The following RFTN1 variants were observed in gnomAD, a reference collection of about 807,000 sequenced individuals.
RFTN1 encodes raftlin.
In RFTN1, 26 loss-of-function variants were observed where a neutral mutation model predicts 46.5. That is an observed-to-expected ratio of 0.56 (90% CI 0.41 to 0.78). The LOEUF is 0.78. Among genes scored for constraint, RFTN1 ranks in the 30% least tolerant of loss-of-function variants. RFTN1 has a pLI of 0.00. For missense variants in RFTN1, 693 were observed against 718.7 expected (o/e 0.96, Z 0.41); for synonymous variants, 261 against 284.2 (o/e 0.92, Z 0.82).
In RFTN1 at chr3:16,397,968, C is replaced by T. The variant is rs114265485; in HGVS notation, c.441+11407G>A. Among the ~76,000 whole-genome samples the T allele has an allele frequency of 6.3e-3, 955 of 152,166 alleles. 13 individuals are homozygous for T. Among genetic ancestry groups the T allele is most frequent in the African/African-American group, 0.022 (896 of 41,528 alleles). ...GACTCTTTTAAGAAGCATCATGGGC[C>T]GGGCGCGGTGGCTCACGCCTATAAT... On this transcript the variant is annotated intron_variant, in intron 4 of 9. Coordinates refer to ENST00000334133, the MANE Select transcript of RFTN1 (RefSeq NM_015150.2).
intron 4 of RFTN1, among the ~76,000 whole-genome samples, chr3:16,389,669 A>C (rs570425084): frequency 2.0e-5 from 3 of 152,380 alleles, no homozygotes; most frequent in African/African-American, 7.2e-5. Flanking sequence ...AGAATGAACC[A>C]GAAATGAACA....
rs940086351 is a variant in RFTN1, at chr3:16,357,849, A to G, written c.1146+83T>C. On this transcript the variant is annotated intron_variant, in intron 7 of 9. Transcript: ENST00000334133. ...CTCAGAAGAAAGCCACAGCTGAGCC[A>G]CAGCCCCACGGTCAGATCAAGCAGG... 3.5e-6 allele frequency: 3 copies of G among 855,628 alleles called. No individual in the cohort carries two copies. In the East Asian group the frequency reaches 7.4e-5, roughly 21 times the overall value. 53.0% of individuals were successfully genotyped at this position (855,628 alleles called of 1,614,324 possible). A position where few individuals can be genotyped will look rare whatever the true frequency, so the allele number is the denominator to read the frequency against.
At chr3:16,493,671 G>T in intron 2 of RFTN1, 54 bp downstream of exon 2, 1 of 1,239,244 alleles carries the variant, frequency 8.1e-7, no homozygotes, top group Non-Finnish European at 1.1e-6. Context: ...ATCCCCTGCA[G>T]GCCCCTGCTG....
Position 16,422,717 on chromosome 3 carries a change from CA to C in RFTN1, c.332+11133del, listed in dbSNP as rs2075211643. On this transcript the variant is annotated intron_variant, in intron 3 of 9. Coordinates refer to ENST00000334133, the MANE Select transcript of RFTN1 (RefSeq NM_015150.2). This position sits in a 1 kb window ranked among gnomAD's most constrained non-coding sequence, Gnocchi z 4.6. ...AATAACATGGTTCTGGCACAAAAATCAATAAGTAGATCAAAGAAACAATAAA... is the reference window on the plus strand; with the variant it reads ...AATAACATGGTTCTGGCACAAAAATCATAAGTAGATCAAAGAAACAATAAA... Among the ~76,000 whole-genome samples the C allele has an allele frequency of 6.6e-6, 1 of 151,408 alleles. No individual in the cohort carries two copies. Among genetic ancestry groups the C allele is most frequent in the Non-Finnish European group, 1.5e-5 (1 of 67,910 alleles).
In RFTN1 at chr3:16,438,355, C is replaced by T. The variant is rs553211338; in HGVS notation, c.146-4318G>A. On this transcript the variant is annotated intron_variant, in intron 2 of 9. Transcript: ENST00000334133. ...ATCGCAGCACTTTAGGAGGCCGAGG[C>T]GGGTGGATCATTTGAGAGCAGGAGT... is the stretch of plus-strand genomic sequence containing the variant. 1.4e-3 allele frequency among the ~76,000 whole-genome samples: 210 copies of T among 151,950 alleles called. 2 individuals are homozygous for T. In the South Asian group the frequency reaches 0.015, roughly 11 times the overall value.
intron 3 of RFTN1, among the ~76,000 whole-genome samples, chr3:16,417,100 C>T (rs374122975): frequency 1.3e-4 from 19 of 151,464 alleles, no homozygotes; most frequent in African/African-American, 4.6e-4. Context: ...GCCTCAACTT[C>T]CTGGGCTCAA....
chr3:16,427,853 C>T lies in RFTN1; in HGVS notation c.332+5998G>A, dbSNP rs1013808081. Among the ~76,000 whole-genome samples the T allele has an allele frequency of 6.6e-6, 1 of 152,060 alleles. No homozygotes were observed. Among genetic ancestry groups the T allele is most frequent in the Non-Finnish European group, 1.5e-5 (1 of 68,010 alleles). On this transcript the variant is annotated intron_variant, in intron 3 of 9. Coordinates refer to ENST00000334133, the MANE Select transcript of RFTN1 (RefSeq NM_015150.2). The surrounding 1 kb of genome is among the most constrained non-coding windows in gnomAD (Gnocchi z 5.4). ...TCCACAATGTCAATAGTGGGAAGGCCCTTCCCACTTTTTCACTCCCTATTC... is the reference window on the plus strand; with the variant it reads ...TCCACAATGTCAATAGTGGGAAGGCTCTTCCCACTTTTTCACTCCCTATTC...
intron 2 of RFTN1, among the ~76,000 whole-genome samples, chr3:16,463,791 G>A (rs2076044998): frequency 6.6e-6 from 1 of 152,180 alleles, no homozygotes; most frequent in African/African-American, 2.4e-5. Context: ...GATTTCTGAT[G>A]AAGTTATCTT....
At position 16,512,820 on chromosome 3, in the gene RFTN1, T is replaced by C. The variant is rs962853252; in HGVS notation, c.-9+622A>G. The C allele has an allele frequency of 6.6e-6, 1 of 152,218 alleles. No homozygotes were observed. Among genetic ancestry groups the C allele is most frequent in the Non-Finnish European group, 1.5e-5 (1 of 68,096 alleles). 9.4% of individuals were successfully genotyped at this position (152,218 alleles called of 1,614,324 possible). Reference sequence around the variant, plus strand: ...TCCCCGTTTTCAGTGCTGGGGACTCTCGGCACCCGCGTCCCTGTGCTTCTG... The same window carrying C: ...TCCCCGTTTTCAGTGCTGGGGACTCCCGGCACCCGCGTCCCTGTGCTTCTG... On this transcript the variant is annotated intron_variant, in intron 1 of 9. Transcript: ENST00000334133. The surrounding 1 kb of genome is among the most constrained non-coding windows in gnomAD (Gnocchi z 4.3).
At chr3:16,377,591 T>C in intron 5 of RFTN1, 127 bp downstream of exon 5, 1 of 1,425,314 alleles carries the variant, frequency 7.0e-7, no homozygotes, top group South Asian at 1.5e-5. Context: ...AAGTTTCTCC[T>C]GTTTGATGGA....
rs1479493617 is a variant in RFTN1 at position 16,335,097 on chromosome 3, A to C, written c.1147-8221T>G. 6.6e-6 allele frequency among the ~76,000 whole-genome samples: 1 copy of C among 152,270 alleles called. No homozygotes were observed. Among genetic ancestry groups the C allele is most frequent in the Admixed American group, 6.5e-5 (1 of 15,288 alleles). ...AATACTCATTTCAGACTTCTGACTC[A>C]ACAAATGTAAGACAATAAACTTGCG... On this transcript the variant is annotated intron_variant, in intron 7 of 9. Transcript: ENST00000334133. This position sits in a 1 kb window ranked among gnomAD's most constrained non-coding sequence, Gnocchi z 4.7.
In RFTN1 at chr3:16,498,570, A is replaced by T. The variant is rs1460403110; in HGVS notation, c.-8-4693T>A. On this transcript the variant is annotated intron_variant, in intron 1 of 9. Transcript: ENST00000334133. This position sits in a 1 kb window ranked among gnomAD's most constrained non-coding sequence, Gnocchi z 5.2. ...CTTGAATCTCAAATTTTAGAGACTG[A>T]TTTCTCTGGAGTGCGTGCAACCCTG... Among the ~76,000 whole-genome samples, 1 of 152,238 alleles carries T rather than the reference A, an allele frequency of 6.6e-6. No individual in the cohort carries two copies. The highest frequency in any genetic ancestry group is 2.4e-5 in the African/African-American group (1 of 41,468).
intron 8 of RFTN1, among the ~76,000 whole-genome samples, chr3:16,324,515 G>A (rs1206877544): frequency 1.3e-5 from 2 of 151,842 alleles, no homozygotes. Context: ...TTCCACGTAT[G>A]AGAGAGATTA....
At chr3:16,403,691 ATATAT>A (rs2074678325) in intron 4 of RFTN1, among the ~76,000 whole-genome samples, 1 of 31,658 alleles carries the variant, frequency 3.2e-5, no homozygotes, top group African/African-American at 1.3e-4. Flanking sequence ...TATATATATA[ATATAT>A]ATTTTATGTA....
intron 7 of RFTN1, among the ~76,000 whole-genome samples, chr3:16,331,610 A>AT (rs1200172529): frequency 6.6e-6 from 1 of 152,140 alleles, no homozygotes; most frequent in East Asian, 1.9e-4. Context: ...CCCCTATTTA[A>AT]TGCTCATCGA....
At position 16,358,060 on chromosome 3, in the gene RFTN1, A is replaced by T; in HGVS notation, c.1031-13T>A. ...CCATGTAAGGAATCTGTGGAAAAAG[A>T]AAAAGGCGGGGGTGGGGGGGGTCTG... On this transcript the variant is annotated splice_polypyrimidine_tract_variant and intron_variant, in intron 6 of 9. Transcript: ENST00000334133. 1 of 1,458,182 alleles carries T rather than the reference A, an allele frequency of 6.9e-7. No individual in the cohort carries two copies. Among genetic ancestry groups the T allele is most frequent in the Non-Finnish European group, 9.6e-7 (1 of 1,042,290 alleles). The allele number at this position is 1,458,182 out of a possible 1,614,324, so 90.3% of individuals were successfully genotyped here. A position where few individuals can be genotyped will look rare whatever the true frequency, so the allele number is the denominator to read the frequency against.
chr3:16,470,617 C>T (rs569566611), intron 2 of RFTN1, among the ~76,000 whole-genome samples: 9 of 152,300 alleles, frequency 5.9e-5, no homozygotes, highest in South Asian at 4.1e-4. Context: ...CATGCATGCA[C>T]GAGGTACTCC....
chr3:16,319,727 G>T (rs75114931), intron 9 of RFTN1, among the ~76,000 whole-genome samples: 1 of 152,174 alleles, frequency 6.6e-6, no homozygotes, highest in Non-Finnish European at 1.5e-5. Flanking sequence ...AACACAAATG[G>T]TAGAAAACAA....
At position 16,513,645 on chromosome 3, in the gene RFTN1, C is replaced by A. The variant is rs1418826313; in HGVS notation, c.-212G>T. On this transcript the variant is annotated 5_prime_UTR_variant, in exon 1 of 10. Coordinates refer to ENST00000334133, the MANE Select transcript of RFTN1 (RefSeq NM_015150.2). The surrounding 1 kb of genome is among the most constrained non-coding windows in gnomAD (Gnocchi z 5.4). The stretch of plus-strand genomic sequence containing the variant: ...TGCGTCTGTCCCTCGCCGGAGCCCG[C>A]GGCCGCCGCGCTCTCGCTCGCTGCG... 3 of 151,010 alleles carry A rather than the reference C, an allele frequency of 2.0e-5. No individual in the cohort carries two copies. Among genetic ancestry groups the A allele is most frequent in the African/African-American group, 7.3e-5 (3 of 41,168 alleles). The allele number at this position is 151,010 out of a possible 1,614,324, so 9.4% of individuals were successfully genotyped here.
Sources: gnomAD v4.1 joint callset for allele counts (sites outside exome capture counted in the v4.1 genomes callset) on GRCh38, gnomAD v4.1.1 for gene constraint, Gnocchi (gnomAD v3.1) non-coding constraint, MANE v1.5 for transcripts, NCBI Gene and HGNC (gene_info 2026-07-23, HGNC 2026-07-21) for gene names.